The following SLC45A4 variants were observed in gnomAD, a reference collection of about 807,000 sequenced individuals.
SLC45A4 encodes the protein polyamine-transporter SLC45A4.
A neutral mutation model predicts 63.7 loss-of-function variants in SLC45A4; 32 were observed. The ratio of observed to expected loss-of-function variants is 0.50; its 90% CI spans 0.38 to 0.67. The LOEUF is 0.67. Among genes scored for constraint, SLC45A4 ranks in the 30% least tolerant of loss-of-function variants. SLC45A4 has a pLI of 0.00. For synonymous variants in SLC45A4, 535 were observed against 510.0 expected (o/e 1.05, Z -0.66); for missense variants, 1,027 against 1,157.7 (o/e 0.89, Z 1.64).
intron 8 of SLC45A4, 41 bp downstream of exon 8, chr8:141,212,156 C>T (rs751606932): frequency 2.4e-5 from 20 of 827,128 alleles, no homozygotes; most frequent in Non-Finnish European, 2.9e-5. Context: ...GCCCGCCCAC[C>T]CGCCCACTGG....
chr8:141,243,355 C>T (rs939432033), intron 2 of SLC45A4, among the ~76,000 whole-genome samples: 5 of 152,226 alleles, frequency 3.3e-5, no homozygotes, highest in Admixed American at 3.3e-4. Context: ...GTGTCAATGG[C>T]GCTCTCATTC....
In SLC45A4 at chr8:141,218,880, C is replaced by T. The variant is rs765545414; in HGVS notation, c.760G>A (p.Asp254Asn). 23 of 1,613,604 alleles carry T rather than the reference C, an allele frequency of 1.4e-5. No homozygotes were observed. The East Asian group carries it at 2.9e-4, about 20-fold the overall frequency. ...TGCTGCGGGCTGTACTGCTCCTCGT[C>T]GATGCTGAACAGGTGCAGGGCCACG... ...VSVALHLFSI[D>N]EEQYSPQQER... The change falls in exon 5 of 9, where the codon GAC becomes AAC. Residue 254 changes from aspartate to asparagine, a missense_variant. Transcript: ENST00000517878.
intron 1 of SLC45A4, among the ~76,000 whole-genome samples, chr8:141,279,945 G>A (rs191244925): frequency 3.9e-5 from 6 of 152,334 alleles, no homozygotes; most frequent in East Asian, 1.9e-4. Context: ...CTTGGGACTC[G>A]CCTACATGAG....
intron 1 of SLC45A4, among the ~76,000 whole-genome samples, chr8:141,269,535 G>GGT (rs1231875334): frequency 1.3e-5 from 2 of 150,290 alleles, no homozygotes; most frequent in Non-Finnish European, 3.0e-5. Context: ...TGCCTATGTG[G>GGT]GTGTGTGTGT....
chr8:141,279,897 T>C (rs1829870994), intron 1 of SLC45A4, among the ~76,000 whole-genome samples: 1 of 152,200 alleles, frequency 6.6e-6, no homozygotes, highest in Admixed American at 6.5e-5. Context: ...CACTCAGCAA[T>C]CTAGCATTGT....
intron 2 of SLC45A4, among the ~76,000 whole-genome samples, chr8:141,246,920 G>A (rs1828234239): frequency 6.6e-6 from 1 of 152,100 alleles, no homozygotes; most frequent in South Asian, 2.1e-4. Context: ...TTTCAGTCCA[G>A]CCAGCCTGGG....
rs1317159702 is a variant in SLC45A4 at position 141,217,934 on chromosome 8, C to T, written c.1629+77G>A. On this transcript the variant is annotated intron_variant, in intron 5 of 8. Coordinates refer to ENST00000517878, the MANE Select transcript of SLC45A4 (RefSeq NM_001286646.2). ...GCGTGGGCACGAGGAAGAGGCCCCC[C>T]GGCCCAGCCCGTGAGCTTCTCCGTG... The T allele has an allele frequency of 4.9e-5, 72 of 1,475,050 alleles. No individual in the cohort carries two copies. In the South Asian group the frequency reaches 5.2e-4, roughly 11 times the overall value. The allele number at this position is 1,475,050 out of a possible 1,614,324, so 91.4% of individuals were successfully genotyped here. A position where few individuals can be genotyped will look rare whatever the true frequency, so the allele number is the denominator to read the frequency against.
intron 1 of SLC45A4, among the ~76,000 whole-genome samples, chr8:141,258,956 C>A (rs1291629297): frequency 6.0e-5 from 9 of 151,216 alleles, no homozygotes; most frequent in African/African-American, 1.9e-4. Flanking sequence ...CTGAGGATTT[C>A]AAAAAACTAA....
chr8:141,251,667 T>C (rs1241536765), intron 2 of SLC45A4, among the ~76,000 whole-genome samples: 1 of 152,060 alleles, frequency 6.6e-6, no homozygotes, highest in East Asian at 1.9e-4. Flanking sequence ...TCCTCTGGCC[T>C]TCTCATGAAG....
chr8:141,262,713 A>G (rs1829088949), intron 1 of SLC45A4, among the ~76,000 whole-genome samples: 1 of 152,180 alleles, frequency 6.6e-6, no homozygotes, highest in South Asian at 2.1e-4. Flanking sequence ...AGTCAGAAAC[A>G]ACAGGTACTG....
intron 1 of SLC45A4, among the ~76,000 whole-genome samples, chr8:141,272,670 C>T (rs915395526): frequency 1.3e-5 from 2 of 152,208 alleles, no homozygotes; most frequent in African/African-American, 4.8e-5. Context: ...CCCTCACCCC[C>T]CCTACTCCTG....
At chr8:141,213,115 G>C (rs1264247101) in intron 7 of SLC45A4, among the ~76,000 whole-genome samples, 1 of 152,188 alleles carries the variant, frequency 6.6e-6, no homozygotes, top group African/African-American at 2.4e-5. Context: ...GTGAAAAAAA[G>C]GTCAGTCCAC....
At chr8:141,271,875 G>C (rs932570748) in intron 1 of SLC45A4, among the ~76,000 whole-genome samples, 1 of 150,868 alleles carries the variant, frequency 6.6e-6, no homozygotes, top group Non-Finnish European at 1.5e-5. Flanking sequence ...ACTCACACAC[G>C]TGCATGCAAC....
At chr8:141,233,359 G>C (rs1198165347) in intron 2 of SLC45A4, among the ~76,000 whole-genome samples, 2 of 152,176 alleles carry the variant, frequency 1.3e-5, no homozygotes, top group African/African-American at 2.4e-5. Flanking sequence ...TACTATTGCA[G>C]TTTATCAATA....
intron 2 of SLC45A4, among the ~76,000 whole-genome samples, chr8:141,232,134 T>C (rs1336764915): frequency 6.6e-6 from 1 of 151,236 alleles, no homozygotes; most frequent in South Asian, 2.1e-4. Context: ...CTCCAATGGA[T>C]TATATCATCT....
chr8:141,221,868 C>A, intron 2 of SLC45A4, 103 bp from the exon 3 acceptor site: 2 of 1,187,654 alleles, frequency 1.7e-6, no homozygotes, highest in Non-Finnish European at 2.4e-6. Flanking sequence ...TGTACACGCA[C>A]GCATGCGCAC....
chr8:141,256,520 C>T lies in SLC45A4; in HGVS notation c.-400-1891G>A. 2 of 456,230 alleles carry T rather than the reference C, an allele frequency of 4.4e-6. No homozygotes were observed. Among genetic ancestry groups the T allele is most frequent in the Non-Finnish European group, 8.8e-6 (2 of 226,928 alleles). 28.3% of individuals were successfully genotyped at this position (456,230 alleles called of 1,614,324 possible). A position where few individuals can be genotyped will look rare whatever the true frequency, so the allele number is the denominator to read the frequency against. Reference sequence around the variant, plus strand: ...CCTGATGGAGAAGGTGGGTCCCTGGCACGTGGGCCCCAGGAGGGAGAAGAC... The same window carrying T: ...CCTGATGGAGAAGGTGGGTCCCTGGTACGTGGGCCCCAGGAGGGAGAAGAC... On this transcript the variant is annotated intron_variant, in intron 1 of 8. Transcript: ENST00000517878. The surrounding 1 kb of genome is among the most constrained non-coding windows in gnomAD (Gnocchi z 4.3).
At chr8:141,306,583 C>A (rs548906948) in intron 1 of SLC45A4, among the ~76,000 whole-genome samples, 1 of 152,330 alleles carries the variant, frequency 6.6e-6, no homozygotes, top group Admixed American at 6.5e-5. Flanking sequence ...TGTGTGTTAC[C>A]TGCTCTGATC....
At chr8:141,261,445 AGAT>A (rs1829033964) in intron 1 of SLC45A4, among the ~76,000 whole-genome samples, 1 of 152,162 alleles carries the variant, frequency 6.6e-6, no homozygotes, top group Non-Finnish European at 1.5e-5. Context: ...CCCTGTTTGC[AGAT>A]GACATGATTG....
Sources: gnomAD v4.1 joint callset for allele counts (sites outside exome capture counted in the v4.1 genomes callset) on GRCh38, gnomAD v4.1.1 for gene constraint, Gnocchi (gnomAD v3.1) non-coding constraint, MANE v1.5 for transcripts, NCBI Gene and HGNC (gene_info 2026-07-23, HGNC 2026-07-21) for gene names.